The following TTC28 variants were observed in gnomAD, a reference collection of about 807,000 sequenced individuals.
TTC28 encodes tetratricopeptide repeat protein 28.
TTC28 carries 61 observed loss-of-function variants against 198.0 expected under a neutral mutation model. The observed-to-expected ratio is 0.31, with a 90% CI of 0.25 to 0.38. TTC28 has a LOEUF of 0.38. Among genes scored for constraint, TTC28 ranks in the 10% least tolerant of loss-of-function variants. The pLI is 1.00. For missense variants in TTC28, 2,678 were observed against 3,164.0 expected (o/e 0.85, Z 3.69); for synonymous variants, 1,171 against 1,297.8 (o/e 0.90, Z 2.10).
intron 12 of TTC28, among the ~76,000 whole-genome samples, chr22:28,055,833 C>T (rs959592413): frequency 6.6e-6 from 1 of 152,082 alleles, no homozygotes; most frequent in Non-Finnish European, 1.5e-5. Flanking sequence ...TCACTCATAC[C>T]GTCACCCCTA....
chr22:28,486,493 T>TG (rs35609143), intron 2 of TTC28, among the ~76,000 whole-genome samples: 7,390 of 152,108 alleles, frequency 0.049, 263 homozygotes, highest in African/African-American at 0.096. Context: ...CTGCCAAAAG[T>TG]GGGGGGGTGA....
At chr22:28,168,959 C>T (rs1922340131) in intron 5 of TTC28, among the ~76,000 whole-genome samples, 1 of 152,122 alleles carries the variant, frequency 6.6e-6, no homozygotes, top group African/African-American at 2.4e-5. Flanking sequence ...CTACAATGAA[C>T]TCCAACAAAT....
intron 2 of TTC28, among the ~76,000 whole-genome samples, chr22:28,424,316 AACCCTCT>A (rs1468585890): frequency 1.3e-5 from 2 of 152,128 alleles, no homozygotes; most frequent in Non-Finnish European, 1.5e-5. Flanking sequence ...CCTGAAACAA[AACCCTCT>A]ACTCCTCTCC....
chr22:28,237,588 C>A (rs952001461), intron 5 of TTC28, among the ~76,000 whole-genome samples: 1 of 152,032 alleles, frequency 6.6e-6, no homozygotes, highest in Non-Finnish European at 1.5e-5. Flanking sequence ...TGTTATAAGC[C>A]CCACAATATA....
At chr22:28,526,644 T>C (rs1467656843) in intron 2 of TTC28, among the ~76,000 whole-genome samples, 1 of 152,214 alleles carries the variant, frequency 6.6e-6, no homozygotes, top group Non-Finnish European at 1.5e-5. Flanking sequence ...CAATATCTGC[T>C]CTGAAATCCT....
At chr22:28,636,821 G>T (rs2051280670) in intron 1 of TTC28, among the ~76,000 whole-genome samples, 1 of 151,874 alleles carries the variant, frequency 6.6e-6, no homozygotes, top group Non-Finnish European at 1.5e-5. Flanking sequence ...CACCCCATAG[G>T]TTACTTTTTC....
chr22:28,288,048 CAT>C (rs2044717000), intron 5 of TTC28, among the ~76,000 whole-genome samples: 1 of 152,080 alleles, frequency 6.6e-6, no homozygotes, highest in African/African-American at 2.4e-5. Flanking sequence ...ATGCAATATT[CAT>C]ATGACTAATT....
chr22:28,239,582 C>T (rs1929512441), intron 5 of TTC28, among the ~76,000 whole-genome samples: 2 of 152,070 alleles, frequency 1.3e-5, no homozygotes, highest in South Asian at 4.1e-4. Flanking sequence ...ACAGTTTTAC[C>T]AAATGCCAAA....
chr22:28,148,370 T>G (rs1190289948), intron 6 of TTC28, among the ~76,000 whole-genome samples: 1 of 152,184 alleles, frequency 6.6e-6, no homozygotes, highest in Non-Finnish European at 1.5e-5. Flanking sequence ...TCCCAGCACT[T>G]TGGGAGGCCA....
At chr22:28,318,640 C>A (rs145218078) in intron 2 of TTC28, among the ~76,000 whole-genome samples, 1 of 151,914 alleles carries the variant, frequency 6.6e-6, no homozygotes, top group Non-Finnish European at 1.5e-5. Flanking sequence ...GAACTGGAAC[C>A]TCTTTTTGAA....
In TTC28 at chr22:28,099,174, G is replaced by A. The variant is rs2146874466; in HGVS notation, c.3418-130C>T. On this transcript the variant is annotated intron_variant, in intron 9 of 22. Coordinates refer to ENST00000397906, the MANE Select transcript of TTC28 (RefSeq NM_001145418.2). Reference sequence around the variant, plus strand: ...ATTTTTTACAGATTTGAAAGGAAGAGTCTGATGTCCAGGTGTAAGGAAAAA... The same window carrying A: ...ATTTTTTACAGATTTGAAAGGAAGAATCTGATGTCCAGGTGTAAGGAAAAA... 3 of 1,274,220 alleles carry A rather than the reference G, an allele frequency of 2.4e-6. No individual in the cohort carries two copies. The South Asian group carries it at 4.6e-5, about 19-fold the overall frequency. The allele number at this position is 1,274,220 out of a possible 1,614,324, so 78.9% of individuals were successfully genotyped here.
chr22:28,170,732 G>A (rs1423335175), intron 5 of TTC28, among the ~76,000 whole-genome samples: 1 of 152,090 alleles, frequency 6.6e-6, no homozygotes, highest in African/African-American at 2.4e-5. Flanking sequence ...TTCCTTCAAT[G>A]CAACTTCATC....
chr22:28,051,346 T>G (rs1940079155), intron 12 of TTC28, among the ~76,000 whole-genome samples: 1 of 152,216 alleles, frequency 6.6e-6, no homozygotes, highest in Non-Finnish European at 1.5e-5. Flanking sequence ...AGTTTCCTGT[T>G]TGCCTGCAGT....
rs541637904 is a variant in TTC28, at chr22:28,296,124, T to G, written c.933+74A>C. On this transcript the variant is annotated intron_variant, in intron 5 of 22. Transcript: ENST00000397906. ...ATTTTAAGATACCTGAAACAGTTTG[T>G]TTTTAACAGAAAATAGAGCTCCACA... 5.8e-5 allele frequency: 83 copies of G among 1,438,610 alleles called. No individual in the cohort carries two copies. The African/African-American group carries it at 1.0e-3, about 18-fold the overall frequency. The allele number at this position is 1,438,610 out of a possible 1,614,324, so 89.1% of individuals were successfully genotyped here.
intron 5 of TTC28, among the ~76,000 whole-genome samples, chr22:28,202,165 G>A (rs1926011919): frequency 6.6e-6 from 1 of 152,032 alleles, no homozygotes; most frequent in Non-Finnish European, 1.5e-5. Context: ...CAGAGCCCAG[G>A]TTCTTTTCAA....
At chr22:28,282,768 AAAATGT>A (rs2044609481) in intron 5 of TTC28, among the ~76,000 whole-genome samples, 1 of 152,196 alleles carries the variant, frequency 6.6e-6, no homozygotes, top group African/African-American at 2.4e-5. Context: ...AAGAGACTAC[AAAATGT>A]TATGACTGAA....
chr22:28,134,680 A>C (rs566801178), intron 6 of TTC28, among the ~76,000 whole-genome samples: 1 of 152,328 alleles, frequency 6.6e-6, no homozygotes, highest in African/African-American at 2.4e-5. Context: ...CGAAGCCTCT[A>C]AGAAATATAG....
chr22:27,978,272 G>C lies in TTC28; in HGVS notation c.*3949C>G, dbSNP rs570493471. 1 of 152,378 alleles carries C rather than the reference G, an allele frequency of 6.6e-6. No individual in the cohort carries two copies. The highest frequency in any genetic ancestry group is 6.5e-5 in the Admixed American group (1 of 15,310). 9.4% of individuals were successfully genotyped at this position (152,378 alleles called of 1,614,324 possible). A position where few individuals can be genotyped will look rare whatever the true frequency, so the allele number is the denominator to read the frequency against. On this transcript the variant is annotated 3_prime_UTR_variant, in exon 23 of 23. Coordinates refer to ENST00000397906, the MANE Select transcript of TTC28 (RefSeq NM_001145418.2). The stretch of plus-strand genomic sequence containing the variant: ...GGGCAGGGCCACAGGTGTCCTGACA[G>C]GGAACATCTTTGAAGGATCTGGCAC...
intron 2 of TTC28, among the ~76,000 whole-genome samples, chr22:28,421,115 A>T (rs1484577102): frequency 6.6e-6 from 1 of 152,206 alleles, no homozygotes; most frequent in Non-Finnish European, 1.5e-5. Flanking sequence ...ACTGATAACT[A>T]ACATGGACCC....
Sources: gnomAD v4.1 joint callset for allele counts (sites outside exome capture counted in the v4.1 genomes callset) on GRCh38, gnomAD v4.1.1 for gene constraint, MANE v1.5 for transcripts, NCBI Gene and HGNC (gene_info 2026-07-23, HGNC 2026-07-21) for gene names.